ZNF682: variants seen among roughly 807,000 people sequenced by gnomAD.
The protein encoded by ZNF682 is zinc finger protein 682.
In ZNF682, 29 loss-of-function variants were observed where a neutral mutation model predicts 36.5. The observed-to-expected ratio is 0.80, with a 90% CI of 0.59 to 1.08. ZNF682 has a LOEUF of 1.08. Ranked by LOEUF, ZNF682 falls within the 50% of genes least tolerant of loss-of-function variation. The pLI is 0.00. For synonymous variants in ZNF682, 180 were observed against 197.0 expected (o/e 0.91, Z 0.72); for missense variants, 561 against 579.7 (o/e 0.97, Z 0.33).
At chr19:19,997,752 T>G (rs927935661) in intron 3 of ZNF682, among the ~76,000 whole-genome samples, 1 of 152,220 alleles carries the variant, frequency 6.6e-6, no homozygotes, top group Admixed American at 6.5e-5. Flanking sequence ...CTCCGGATGC[T>G]GCTCCTTTGT....
rs1254616343 is a variant in ZNF682 at position 20,006,535 on chromosome 19, T to C, written c.967A>G (p.Asn323Asp). ...TGTATAGTAAGTAGTGAGCAGTGGTTAAAGGCTTTCCCACATTCTTTACAT... is the reference window on the plus strand; with the variant it reads ...TGTATAGTAAGTAGTGAGCAGTGGTCAAAGGCTTTCCCACATTCTTTACAT... ...YKCKECGKAF[N>D]HCSLLTIHER... is the part of the protein sequence containing the mutation. The change falls in exon 4 of 4, where the codon AAC becomes GAC. Residue 323 changes from asparagine to aspartate, a missense_variant. Coordinates refer to ENST00000397165, the MANE Select transcript of ZNF682 (RefSeq NM_033196.3). 15 of 1,613,998 alleles carry C rather than the reference T, an allele frequency of 9.3e-6. No homozygotes were observed. In the East Asian group the frequency reaches 3.3e-4, roughly 36 times the overall value.
At chr19:20,024,456 T>C in intron 1 of ZNF682, 80 bp from the exon 2 acceptor site, 1 of 1,478,970 alleles carries the variant, frequency 6.8e-7, no homozygotes, top group African/African-American at 1.4e-5. Context: ...AGAATTGCTG[T>C]GACTTATGAG....
In ZNF682 at chr19:20,006,339, TTG is replaced by T; in HGVS notation, c.1161_1162del (p.His387GlnfsTer13). On this transcript the variant is annotated frameshift_variant, in exon 4 of 4. Coordinates refer to ENST00000397165, the MANE Select transcript of ZNF682 (RefSeq NM_033196.3). LOFTEE classifies it high-confidence loss of function. ...GGGTTTCTCTCCAGTGTGAATTCTC[TTG>T]TGTTTAGTAAGGTATGAGAACCTCT... 3 of 1,613,612 alleles carry T rather than the reference TTG, an allele frequency of 1.9e-6. No individual in the cohort carries two copies. The highest frequency in any genetic ancestry group is 1.1e-5 in the South Asian group (1 of 91,076).
At chr19:20,003,937 C>CA (rs1255102934), downstream of ZNF682, among the ~76,000 whole-genome samples, 6 of 152,142 alleles carry the variant, frequency 3.9e-5, no homozygotes, top group Non-Finnish European at 5.9e-5. Context: ...TCTTTCTTCT[C>CA]AAAATAGGTA....
At chr19:20,009,311 T>C (rs780719423) in intron 3 of ZNF682, among the ~76,000 whole-genome samples, 73 of 151,822 alleles carry the variant, frequency 4.8e-4, no homozygotes, top group Non-Finnish European at 7.7e-4. Context: ...ATCAACCCAG[T>C]CAGAAGATAG....
At chr19:20,037,905 C>A (rs942837578) in intron 1 of ZNF682, among the ~76,000 whole-genome samples, 18 of 152,202 alleles carry the variant, frequency 1.2e-4, no homozygotes, top group African/African-American at 4.1e-4. Flanking sequence ...CTGATTTCTC[C>A]CAGGCACAAT....
intron 1 of ZNF682, among the ~76,000 whole-genome samples, chr19:20,024,773 G>C (rs1005334592): frequency 3.3e-5 from 5 of 151,494 alleles, no homozygotes; most frequent in African/African-American, 1.2e-4. Context: ...AGGAGGCAGA[G>C]GTTGCAGTGA....
chr19:20,000,453 C>T (rs906643549), downstream of ZNF682, among the ~76,000 whole-genome samples: 1 of 152,300 alleles, frequency 6.6e-6, no homozygotes, highest in East Asian at 1.9e-4. Flanking sequence ...CAGAACAGAT[C>T]CAGGCCAGTC....
rs183067102 is a variant in ZNF682, at chr19:20,004,742, C to T, written c.*1263G>A. ...CAGAAATTGACCACATGCTTTCATA[C>T]AGACACTAGGAATAAAGACACAGCA... On this transcript the variant is annotated 3_prime_UTR_variant, in exon 4 of 4. Transcript: ENST00000397165. 4 of 152,312 alleles carry T rather than the reference C, an allele frequency of 2.6e-5. No homozygotes were observed. In the East Asian group the frequency reaches 5.8e-4, roughly 22 times the overall value. 9.4% of individuals were successfully genotyped at this position (152,312 alleles called of 1,614,324 possible). A position where few individuals can be genotyped will look rare whatever the true frequency, so the allele number is the denominator to read the frequency against.
intron 1 of ZNF682, among the ~76,000 whole-genome samples, chr19:20,029,315 A>T (rs1247059850): frequency 6.7e-6 from 1 of 150,260 alleles, no homozygotes; most frequent in African/African-American, 2.4e-5. Flanking sequence ...AAATGCATGG[A>T]ATAGGCCAGG....
In ZNF682 at chr19:20,022,984, G is replaced by A. The variant is rs374691344; in HGVS notation, c.226+20C>T. The A allele has an allele frequency of 1.2e-6, 2 of 1,605,658 alleles. No homozygotes were observed. The highest frequency in any genetic ancestry group is 1.7e-6 in the Non-Finnish European group (2 of 1,173,192). On this transcript the variant is annotated intron_variant, in intron 3 of 3. Transcript: ENST00000397165. ...TTTGGAGCTTTCACCTGTGGCATGT[G>A]TTTCATTCATCCAACCTACCTGGGG...
Position 20,024,251 on chromosome 19 carries a change from CAG to C in ZNF682, c.127_128del (p.Leu43GlyfsTer6), listed in dbSNP as rs1599612535. The C allele has an allele frequency of 1.2e-6, 2 of 1,613,730 alleles. No individual in the cohort carries two copies. Among genetic ancestry groups the C allele is most frequent in the Non-Finnish European group, 8.5e-7 (1 of 1,179,868 alleles). On this transcript the variant is annotated frameshift_variant and splice_region_variant, in exon 2 of 4. Transcript: ENST00000397165. LOFTEE classifies it high-confidence loss of function. ...MLENYRNLVS[L>X]GLTVSKPELI... is the part of the protein sequence containing the mutation. ...ATTGTGTATTGAAGTTATTCTCACC[CAG>C]AGAGACCAGGTTTCTGTAGTTCTCT...
intron 1 of ZNF682, among the ~76,000 whole-genome samples, chr19:20,026,323 C>T (rs780565860): frequency 2.2e-4 from 34 of 151,492 alleles, no homozygotes; most frequent in Non-Finnish European, 4.6e-4. Context: ...CATCCTGTTT[C>T]TGCATAGAGC....
intron 1 of ZNF682, among the ~76,000 whole-genome samples, chr19:20,026,990 T>A (rs751266808): frequency 6.6e-6 from 1 of 152,024 alleles, no homozygotes. Context: ...ACATCAGAAG[T>A]AGAGAAGTAA....
intron 3 of ZNF682, among the ~76,000 whole-genome samples, chr19:20,013,095 T>C (rs958114703): frequency 2.0e-5 from 3 of 151,938 alleles, no homozygotes; most frequent in South Asian, 2.1e-4. Context: ...AAGAAGACAA[T>C]AGACTAAAAG....
At position 20,006,992 on chromosome 19, in the gene ZNF682, C is replaced by G. The variant is rs767705780; in HGVS notation, c.510G>C (p.Glu170Asp). 17 of 1,612,910 alleles carry G rather than the reference C, an allele frequency of 1.1e-5. No individual in the cohort carries two copies. The highest frequency in any genetic ancestry group is 1.4e-5 in the Non-Finnish European group (17 of 1,179,242). Residue 170 changes from glutamate to aspartate, a missense_variant, in exon 4 of 4, where the codon GAG becomes GAC. Transcript: ENST00000397165. Reference protein sequence around the residue: ...LNRENIRHTTEKLFKCMQCGK... With the variant: ...LNRENIRHTTDKLFKCMQCGK... ...CACATTGCATACATTTGAAAAGTTT[C>G]TCTGTAGTATGTCTTATGTTTTCTC...
At chr19:20,011,795 T>C (rs1290762620) in intron 3 of ZNF682, among the ~76,000 whole-genome samples, 1 of 152,136 alleles carries the variant, frequency 6.6e-6, no homozygotes, top group African/African-American at 2.4e-5. Flanking sequence ...CCCAGCACTT[T>C]GGGAGGCCGA....
downstream of ZNF682, among the ~76,000 whole-genome samples, chr19:20,003,204 A>AC (rs2088182427): frequency 6.7e-6 from 1 of 149,262 alleles, no homozygotes; most frequent in Non-Finnish European, 1.5e-5. Flanking sequence ...AAAAAAAAAA[A>AC]AAAAAAAAAA....
Position 20,007,230 on chromosome 19 carries a change from A to G in ZNF682, c.272T>C (p.Met91Thr), listed in dbSNP as rs2088235607. ...YTEDLLPEQC[M>T]QDSFQKVILR... The stretch of plus-strand genomic sequence containing the variant: ...TATCACTTTTTGGAATGAATCTTGC[A>G]TGCACTGTTCTGGCAAAAGGTCTTC... The change falls in exon 4 of 4, where the codon ATG (methionine) becomes ACG (threonine). Residue 91 changes from methionine (M) to threonine (T), a missense_variant. Met to Thr is a moderately conservative substitution (Grantham distance 81, BLOSUM62 -1). Coordinates refer to ENST00000397165, the MANE Select transcript of ZNF682 (RefSeq NM_033196.3). 6.2e-7 allele frequency: 1 copy of G among 1,613,528 alleles called. No individual in the cohort carries two copies. The highest frequency in any genetic ancestry group is 8.5e-7 in the Non-Finnish European group (1 of 1,179,928).
Sources: allele counts gnomAD v4.1 joint callset (sites outside exome capture counted in the v4.1 genomes callset), GRCh38; gene constraint gnomAD v4.1.1; transcripts MANE v1.5; gene names NCBI Gene and HGNC (gene_info 2026-07-23, HGNC 2026-07-21).